Variants in XYLT1 observed in about 807,000 individuals in gnomAD.
XYLT1 encodes beta-D-xylosyltransferase 1.
Under a neutral mutation model 91.3 loss-of-function variants are expected in XYLT1, and 36 were observed. The observed-to-expected ratio is 0.39, with a 90% CI of 0.30 to 0.52. The LOEUF (loss-of-function observed/expected upper bound fraction) is 0.52. XYLT1 is among the 20% of genes least tolerant of loss of function. The pLI is 0.68. For missense variants in XYLT1, 1,242 were observed against 1,284.5 expected (o/e 0.97, Z 0.51); for synonymous variants, 588 against 532.0 (o/e 1.11, Z -1.45).
intron 1 of XYLT1, 79 bp from the exon 2 acceptor site, chr16:17,358,129 CCTTT>C: frequency 4.1e-5 from 53 of 1,306,350 alleles, no homozygotes; most frequent in South Asian, 1.3e-4. Context: ...TTCTTTCTTT[CCTTT>C]TTTTTTTTTT....
At chr16:17,320,701 T>C (rs56878298) in intron 2 of XYLT1, among the ~76,000 whole-genome samples, 118 of 151,542 alleles carry the variant, frequency 7.8e-4, no homozygotes, top group African/African-American at 2.5e-3. Context: ...AGGATGGTCT[T>C]GAACTCCTGA....
chr16:17,445,224 G>C (rs1377613711), intron 1 of XYLT1, among the ~76,000 whole-genome samples: 1 of 152,110 alleles, frequency 6.6e-6, no homozygotes, highest in African/African-American at 2.4e-5. Context: ...CAAGGAGCCT[G>C]AGCTTAAGAG....
At chr16:17,457,659 C>T (rs1337023324) in intron 1 of XYLT1, among the ~76,000 whole-genome samples, 2 of 152,206 alleles carry the variant, frequency 1.3e-5, no homozygotes, top group Non-Finnish European at 2.9e-5. Flanking sequence ...GCAATAAGAG[C>T]ATTTTACATC....
chr16:17,282,355 A>G (rs1464102972), intron 2 of XYLT1, among the ~76,000 whole-genome samples: 2 of 152,108 alleles, frequency 1.3e-5, no homozygotes, highest in African/African-American at 4.8e-5. Flanking sequence ...ACAGCTGTCT[A>G]TTTGCTCTAA....
At chr16:17,131,248 G>A (rs1006435250) in intron 9 of XYLT1, among the ~76,000 whole-genome samples, 1 of 152,074 alleles carries the variant, frequency 6.6e-6, no homozygotes, top group African/African-American at 2.4e-5. Context: ...GCCCTCTGAT[G>A]CCTCATCCTG....
chr16:17,144,804 T>C (rs1218895903), intron 6 of XYLT1, among the ~76,000 whole-genome samples: 1 of 152,204 alleles, frequency 6.6e-6, no homozygotes, highest in Non-Finnish European at 1.5e-5. Flanking sequence ...GCTGTGTGGA[T>C]TGCTACAGGC....
intron 1 of XYLT1, among the ~76,000 whole-genome samples, chr16:17,432,905 G>A (rs866057480): frequency 3.3e-5 from 5 of 152,132 alleles, no homozygotes; most frequent in African/African-American, 7.2e-5. Context: ...CAAGGGCCAC[G>A]TATTTGATTT....
chr16:17,210,384 C>T (rs2032734617), intron 3 of XYLT1, among the ~76,000 whole-genome samples: 1 of 152,124 alleles, frequency 6.6e-6, no homozygotes, highest in Non-Finnish European at 1.5e-5. Context: ...TGAGACCAGC[C>T]TGACCAATAT....
At chr16:17,416,002 G>T (rs1466299812) in intron 1 of XYLT1, among the ~76,000 whole-genome samples, 1 of 152,222 alleles carries the variant, frequency 6.6e-6, no homozygotes, top group Non-Finnish European at 1.5e-5. Context: ...AAGTCAGTAT[G>T]GCAGTGACAC....
At chr16:17,421,894 G>A (rs994702502) in intron 1 of XYLT1, among the ~76,000 whole-genome samples, 2 of 152,244 alleles carry the variant, frequency 1.3e-5, no homozygotes, top group East Asian at 3.9e-4. Flanking sequence ...CCAGAATGCA[G>A]TGGTGCAATC....
At chr16:17,353,119 T>A (rs1382524521) in intron 2 of XYLT1, among the ~76,000 whole-genome samples, 1 of 152,212 alleles carries the variant, frequency 6.6e-6, no homozygotes, top group Non-Finnish European at 1.5e-5. Context: ...CTGGTTGGTT[T>A]TGAAAACCCA....
chr16:17,382,014 T>C (rs118128699), intron 1 of XYLT1, among the ~76,000 whole-genome samples: 2,515 of 151,886 alleles, frequency 0.017, 45 homozygotes, highest in Non-Finnish European at 0.023. Flanking sequence ...GAGGCCACCT[T>C]CCAGAATTGG....
chr16:17,351,116 C>G (rs2035214045), intron 2 of XYLT1, among the ~76,000 whole-genome samples: 1 of 152,130 alleles, frequency 6.6e-6, no homozygotes, highest in South Asian at 2.1e-4. Flanking sequence ...CCATAATGAT[C>G]CAACAGAACT....
At chr16:17,224,490 A>C (rs767685894) in intron 3 of XYLT1, among the ~76,000 whole-genome samples, 1 of 152,190 alleles carries the variant, frequency 6.6e-6, no homozygotes, top group Non-Finnish European at 1.5e-5. Flanking sequence ...TACTCAGTGT[A>C]CGTGCACTTG....
At position 17,339,046 on chromosome 16, in the gene XYLT1, T is replaced by G. The variant is rs73523027; in HGVS notation, c.402+18966A>C. Among the ~76,000 whole-genome samples the G allele has an allele frequency of 6.0e-3, 908 of 152,282 alleles. 6 individuals carry two copies. Among genetic ancestry groups the G allele is most frequent in the African/African-American group, 0.021 (858 of 41,542 alleles). On this transcript the variant is annotated intron_variant, in intron 2 of 11. Transcript: ENST00000261381. Reference sequence around the variant, plus strand: ...AGTCAGGAGGGAAAAAAGAGAGAGATAGATGGTGACACAAATCATTTAAAT... The same window carrying G: ...AGTCAGGAGGGAAAAAAGAGAGAGAGAGATGGTGACACAAATCATTTAAAT...
chr16:17,181,758 C>CT (rs201038065), intron 5 of XYLT1, among the ~76,000 whole-genome samples: 133 of 149,014 alleles, frequency 8.9e-4, no homozygotes, highest in Admixed American at 3.7e-3. Context: ...AATTGCACTT[C>CT]TTTTTTTTTT....
intron 3 of XYLT1, among the ~76,000 whole-genome samples, chr16:17,225,175 A>T (rs76320452): frequency 0.059 from 5,160 of 87,896 alleles, 92 homozygotes; most frequent in South Asian, 0.08. Flanking sequence ...ACACACACAC[A>T]CACTCTCTCT....
chr16:17,138,563 C>G, intron 7 of XYLT1, 32 bp from the exon 8 acceptor site: 1 of 1,599,726 alleles, frequency 6.3e-7, no homozygotes, highest in East Asian at 2.3e-5. Context: ...AGCCTGAGAC[C>G]TCTCCCAGCC....
chr16:17,193,574 G>C (rs947576361), intron 5 of XYLT1: 1 of 152,386 alleles, frequency 6.6e-6, no homozygotes, highest in East Asian at 1.9e-4. Context: ...TCAAATCACA[G>C]AGCAGCTCAC....
Sources: allele counts gnomAD v4.1 joint callset (sites outside exome capture counted in the v4.1 genomes callset), GRCh38; gene constraint gnomAD v4.1.1; transcripts MANE v1.5; gene names NCBI Gene and HGNC (gene_info 2026-07-23, HGNC 2026-07-21).